Variants in SLC43A2 observed in about 807,000 individuals in gnomAD.
The protein encoded by SLC43A2 is large neutral amino acids transporter small subunit 4.
Under a neutral mutation model 63.2 loss-of-function variants are expected in SLC43A2, and 38 were observed. The observed-to-expected ratio is 0.60, with a 90% CI of 0.46 to 0.79. The LOEUF (loss-of-function observed/expected upper bound fraction) is 0.79, where lower values mean the gene tolerates loss of function less well. Ranked by LOEUF, SLC43A2 falls within the 30% of genes least tolerant of loss-of-function variation. The probability of loss-of-function intolerance (pLI) is 0.00; values close to 1 mark genes in which losing one functional copy is unlikely to be tolerated. For synonymous variants in SLC43A2, 322 were observed against 331.0 expected, an observed-to-expected ratio of 0.97 and a Z score of 0.30; for missense variants, 644 against 756.2, an observed-to-expected ratio of 0.85 and a Z score of 1.74.
intron 2 of SLC43A2, among the ~76,000 whole-genome samples, chr17:1,622,836 C>T (rs1908297576): frequency 6.6e-6 from 1 of 152,060 alleles, no homozygotes. Context: ...ATCACTTTAA[C>T]CCGGGAGATG....
At chr17:1,599,458 A>G (rs1235937701) in intron 5 of SLC43A2, among the ~76,000 whole-genome samples, 4 of 152,050 alleles carry the variant, frequency 2.6e-5, no homozygotes, top group Admixed American at 6.5e-5. Flanking sequence ...CCAGCACTTT[A>G]GGAGGCTGAG....
chr17:1,576,815 A>G, intron 12 of SLC43A2, 95 bp from the exon 13 acceptor site: 1 of 1,464,620 alleles, frequency 6.8e-7, no homozygotes, highest in Non-Finnish European at 9.1e-7. Context: ...TTGGTGCCAG[A>G]GAAGGGTGGG....
At chr17:1,617,827 CA>C (rs1907821120) in intron 2 of SLC43A2, among the ~76,000 whole-genome samples, 1 of 152,210 alleles carries the variant, frequency 6.6e-6, no homozygotes, top group Non-Finnish European at 1.5e-5. Flanking sequence ...GTCCACCCAG[CA>C]CCAAAACAAC....
At position 1,591,367 on chromosome 17, in the gene SLC43A2, G is replaced by A. The variant is rs1904762105; in HGVS notation, c.833C>T (p.Ser278Phe). Reference sequence around the variant, plus strand: ...CACCTGCTCCTTGGCACTCCTCATGGAGCTGCCCACACTCAGGCGCCGGCC... The same window carrying A: ...CACCTGCTCCTTGGCACTCCTCATGAAGCTGCCCACACTCAGGCGCCGGCC... ...TVGRRLSVGS[S>F]MRSAKEQVAL... The change falls in exon 8 of 14, where the codon TCC (serine) becomes TTC (phenylalanine). Residue 278 changes from serine (S) to phenylalanine (F), a missense_variant. This residue lies in a region of SLC43A2 where 528 missense variants were observed against 623.6 expected (regional missense o/e 0.85). Transcript: ENST00000301335. 1 of 1,611,894 alleles carries A rather than the reference G, an allele frequency of 6.2e-7. No homozygotes were observed. Among genetic ancestry groups the A allele is most frequent in the Non-Finnish European group, 8.5e-7 (1 of 1,179,982 alleles).
chr17:1,590,964 G>T lies in SLC43A2; in HGVS notation c.932-16C>A, dbSNP rs762602830. 7.7e-6 allele frequency: 12 copies of T among 1,548,632 alleles called. No homozygotes were observed. Among genetic ancestry groups the T allele is most frequent in the Non-Finnish European group, 1.0e-5 (12 of 1,146,780 alleles). Reference sequence around the variant, plus strand: ...GAGGGGGCCACTGCAGGGAGAGGGTGCGGGGCTCAGGGCCGGGGCACACTG... The same window carrying T: ...GAGGGGGCCACTGCAGGGAGAGGGTTCGGGGCTCAGGGCCGGGGCACACTG... On this transcript the variant is annotated splice_polypyrimidine_tract_variant and intron_variant, in intron 8 of 13. Coordinates refer to ENST00000301335, the MANE Select transcript of SLC43A2 (RefSeq NM_152346.3).
At chr17:1,592,807 T>C (rs964884224) in intron 6 of SLC43A2, among the ~76,000 whole-genome samples, 1 of 152,110 alleles carries the variant, frequency 6.6e-6, no homozygotes, top group Non-Finnish European at 1.5e-5. Context: ...GAGCAGTGCT[T>C]TGGCTGGCGG....
chr17:1,612,443 C>G (rs1200821890), intron 5 of SLC43A2, among the ~76,000 whole-genome samples: 2 of 152,168 alleles, frequency 1.3e-5, no homozygotes, highest in African/African-American at 4.8e-5. Flanking sequence ...AGCAGAAGAC[C>G]AGATGTTCCC....
At chr17:1,607,078 C>T (rs1016526744) in intron 5 of SLC43A2, among the ~76,000 whole-genome samples, 1 of 152,126 alleles carries the variant, frequency 6.6e-6, no homozygotes, top group African/African-American at 2.4e-5. Context: ...AGACCACAGC[C>T]CATGCAGCAC....
chr17:1,623,247 C>A (rs560975011), intron 2 of SLC43A2, among the ~76,000 whole-genome samples: 2 of 152,230 alleles, frequency 1.3e-5, no homozygotes, highest in Non-Finnish European at 2.9e-5. Flanking sequence ...GCCCTTGCAG[C>A]GATCTCTGTG....
intron 2 of SLC43A2, among the ~76,000 whole-genome samples, chr17:1,622,018 A>G (rs576162841): frequency 2.6e-5 from 4 of 152,350 alleles, no homozygotes; most frequent in African/African-American, 9.6e-5. Flanking sequence ...CAGGACCTTC[A>G]TGGACACCAG....
chr17:1,591,739 G>GGGGGGGGGGGCC, intron 6 of SLC43A2, 40 bp from the exon 7 acceptor site: 1 of 512,306 alleles, frequency 2.0e-6, no homozygotes. Flanking sequence ...GGGGGAGGGG[G>GGGGGGGGGGGCC]CAGAGTTAGC....
rs748798579 is a variant in SLC43A2, at chr17:1,614,959, T to C, written c.424+20A>G. 1 of 1,613,124 alleles carries C rather than the reference T, an allele frequency of 6.2e-7. No homozygotes were observed. Among genetic ancestry groups the C allele is most frequent in the South Asian group, 1.1e-5 (1 of 91,010 alleles). Reference sequence around the variant, plus strand: ...TCTCTCCCCGGTCCCTGACAGAAGATGGAGGGAGAGGACACTCACCGTTTG... The same window carrying C: ...TCTCTCCCCGGTCCCTGACAGAAGACGGAGGGAGAGGACACTCACCGTTTG... On this transcript the variant is annotated intron_variant, in intron 4 of 13. Transcript: ENST00000301335.
At chr17:1,585,625 T>G in intron 10 of SLC43A2, 19 of 1,275,722 alleles carry the variant, frequency 1.5e-5, no homozygotes, top group Non-Finnish European at 1.6e-5. Flanking sequence ...TGGCCTCAAG[T>G]GATCTTCCTA....
rs200478539 is a variant in SLC43A2, at chr17:1,616,702, G to A, written c.228C>T (p.Asn76=). 61 of 1,614,138 alleles carry A rather than the reference G, an allele frequency of 3.8e-5. No individual in the cohort carries two copies. Among genetic ancestry groups the A allele is most frequent in the Admixed American group, 2.0e-4 (12 of 60,020 alleles). Residue 76 remains asparagine, a synonymous_variant, in exon 3 of 14, where the codon AAC becomes AAT. Transcript: ENST00000301335. ...EPGHEEVSWM[N]GWLSCQAQDE... ...CCTGGGCCTGGCAGCTGAGCCAGCC[G>A]TTCATCCAGCTCACCTCCTCGTGCC... is the stretch of plus-strand genomic sequence containing the variant.
chr17:1,596,328 A>AG (rs59731595), intron 5 of SLC43A2, among the ~76,000 whole-genome samples: 2 of 151,826 alleles, frequency 1.3e-5, no homozygotes, highest in Non-Finnish European at 2.9e-5. Context: ...CAAAAAAAAA[A>AG]GAAAGTGAAA....
intron 5 of SLC43A2, among the ~76,000 whole-genome samples, chr17:1,610,214 G>C (rs560501319): frequency 6.7e-6 from 1 of 149,028 alleles, no homozygotes; most frequent in Non-Finnish European, 1.5e-5. Flanking sequence ...CACTGCGCCT[G>C]GCAGGCTCAT....
chr17:1,624,165 G>A (rs189620732), intron 2 of SLC43A2, among the ~76,000 whole-genome samples: 8 of 152,368 alleles, frequency 5.3e-5, no homozygotes, highest in Admixed American at 3.3e-4. Flanking sequence ...GGCCTGGAGC[G>A]GTGGCTCACG....
chr17:1,575,727 G>A lies in SLC43A2; in HGVS notation c.1587C>T (p.Phe529=), dbSNP rs773180261. Residue 529 remains phenylalanine, a synonymous_variant, in exon 14 of 14, where the codon TTC becomes TTT. Transcript: ENST00000301335. ...VGLLLLSLLG[F]CLPLYLICYR... Reference sequence around the variant, plus strand: ...AGCAGATCAGGTAGAGCGGGAGGCAGAAGCCCAGCAGGCTGAGAAGGAGCA... The same window carrying A: ...AGCAGATCAGGTAGAGCGGGAGGCAAAAGCCCAGCAGGCTGAGAAGGAGCA... 1 of 1,613,524 alleles carries A rather than the reference G, an allele frequency of 6.2e-7. No individual in the cohort carries two copies. Among genetic ancestry groups the A allele is most frequent in the Non-Finnish European group, 8.5e-7 (1 of 1,179,916 alleles).
At chr17:1,592,133 G>A (rs1462795745) in intron 6 of SLC43A2, among the ~76,000 whole-genome samples, 4 of 150,460 alleles carry the variant, frequency 2.7e-5, no homozygotes, top group African/African-American at 9.7e-5. Context: ...AGAGGCCAAA[G>A]AAATGCTCAA....
Sources: allele counts gnomAD v4.1 joint callset (sites outside exome capture counted in the v4.1 genomes callset), GRCh38; gene constraint gnomAD v4.1.1; regional missense constraint gnomAD v4.1.1; transcripts MANE v1.5; gene names NCBI Gene and HGNC (gene_info 2026-07-23, HGNC 2026-07-21).